HPSE2: variants seen among roughly 807,000 people sequenced by gnomAD.
The protein encoded by HPSE2 is heparanase 2 (inactive), also known as inactive heparanase-2.
A neutral mutation model predicts 60.5 loss-of-function variants in HPSE2; 38 were observed. That is an observed-to-expected ratio of 0.63 (90% CI 0.48 to 0.82). HPSE2 has a LOEUF of 0.82. Ranked by LOEUF, HPSE2 falls within the 40% of genes least tolerant of loss-of-function variation. The probability of loss-of-function intolerance (pLI) is 0.00; values close to 1 mark genes in which losing one functional copy is unlikely to be tolerated. For missense variants in HPSE2, 713 were observed against 740.4 expected, an observed-to-expected ratio of 0.96 and a Z score of 0.43; for synonymous variants, 295 against 293.2, an observed-to-expected ratio of 1.01 and a Z score of -0.06.
chr10:98,576,083 A>G (rs1944632554), intron 9 of HPSE2, among the ~76,000 whole-genome samples: 2 of 152,192 alleles, frequency 1.3e-5, no homozygotes, highest in East Asian at 1.9e-4. Context: ...CTGAAGAAAT[A>G]TATGTAAAGG....
intron 9 of HPSE2, among the ~76,000 whole-genome samples, chr10:98,602,635 A>G (rs752470074): frequency 9.2e-5 from 14 of 152,158 alleles, no homozygotes; most frequent in Non-Finnish European, 1.6e-4. Flanking sequence ...ATAAAATTGA[A>G]AGTCCAGAAA....
chr10:98,840,390 T>C, intron 3 of HPSE2, among the ~76,000 whole-genome samples: 1 of 152,148 alleles, frequency 6.6e-6, no homozygotes. Context: ...TCTGAAAGTA[T>C]GAAGAAAGAA....
chr10:99,154,714 C>A (rs1426750558), intron 2 of HPSE2, among the ~76,000 whole-genome samples: 2 of 150,902 alleles, frequency 1.3e-5, no homozygotes, highest in Non-Finnish European at 3.0e-5. Context: ...AAATCACCAG[C>A]TAACATCATA....
At chr10:98,962,479 G>A (rs1955703201) in intron 3 of HPSE2, among the ~76,000 whole-genome samples, 1 of 151,906 alleles carries the variant, frequency 6.6e-6, no homozygotes, top group African/African-American at 2.4e-5. Context: ...ATATCATACT[G>A]AATGGGCAAA....
chr10:98,682,624 G>A (rs1947816007), intron 6 of HPSE2, among the ~76,000 whole-genome samples: 1 of 152,052 alleles, frequency 6.6e-6, no homozygotes, highest in Non-Finnish European at 1.5e-5. Flanking sequence ...CATATCATTA[G>A]GCCAGGAAAA....
chr10:99,132,123 A>G (rs1845408753), intron 3 of HPSE2, among the ~76,000 whole-genome samples: 1 of 141,648 alleles, frequency 7.1e-6, no homozygotes, highest in South Asian at 2.3e-4. Flanking sequence ...AAAAAAGAAA[A>G]GAAAGAAAGG....
At chr10:98,838,206 C>T (rs1951834847) in intron 3 of HPSE2, among the ~76,000 whole-genome samples, 1 of 152,048 alleles carries the variant, frequency 6.6e-6, no homozygotes, top group Admixed American at 6.6e-5. Context: ...GTGTTTAAAT[C>T]CCAACTCCAC....
rs192134134 is a variant in HPSE2 at position 98,647,366 on chromosome 10, C to G, written c.1005-5426G>C. ...GGCCCTTTACTTTAAAAAGAAAAAC[C>G]TTTGCCCTTTATTATCTGACCCCTT... On this transcript the variant is annotated intron_variant, in intron 6 of 11. Coordinates refer to ENST00000370552, the MANE Select transcript of HPSE2 (RefSeq NM_021828.5). Among the ~76,000 whole-genome samples, 17 of 152,334 alleles carry G rather than the reference C, an allele frequency of 1.1e-4. No individual in the cohort carries two copies. The East Asian group carries it at 1.4e-3, about 12-fold the overall frequency.
chr10:98,868,416 A>G (rs1203788450), intron 3 of HPSE2, among the ~76,000 whole-genome samples: 9 of 152,052 alleles, frequency 5.9e-5, no homozygotes, highest in Admixed American at 5.9e-4. Context: ...AAAAAATAGA[A>G]TGAACAAACC....
intron 5 of HPSE2, among the ~76,000 whole-genome samples, chr10:98,699,060 G>A (rs1184441802): frequency 6.6e-6 from 1 of 151,990 alleles, no homozygotes; most frequent in Non-Finnish European, 1.5e-5. Context: ...TCTACCAGAG[G>A]TACAAGGAGG....
At chr10:98,910,502 T>C (rs578216132) in intron 3 of HPSE2, among the ~76,000 whole-genome samples, 2 of 152,322 alleles carry the variant, frequency 1.3e-5, no homozygotes, top group African/African-American at 4.8e-5. Context: ...GTTTTATGTA[T>C]TTTTCAGTTT....
At chr10:98,581,185 G>C (rs1944789095) in intron 9 of HPSE2, among the ~76,000 whole-genome samples, 1 of 151,900 alleles carries the variant, frequency 6.6e-6, no homozygotes, top group African/African-American at 2.4e-5. Context: ...ATACAGGTGT[G>C]AGCCACTGTG....
Position 98,933,447 on chromosome 10 carries a change from G to A in HPSE2, c.611-189391C>T, listed in dbSNP as rs906789105. Among the ~76,000 whole-genome samples the A allele has an allele frequency of 2.2e-4, 31 of 144,120 alleles. 5 individuals are homozygous for A. The highest frequency in any genetic ancestry group is 4.8e-4 in the Admixed American group (7 of 14,540). 94.5% of individuals were successfully genotyped at this position (144,120 alleles called of 152,430 possible). A position where few individuals can be genotyped will look rare whatever the true frequency, so the allele number is the denominator to read the frequency against. ...ATATTCTGTTGTTTTTGAGTGGAGC[G>A]TTCTATAGATATCTATCAGGTCCAC... On this transcript the variant is annotated intron_variant, in intron 3 of 11. Coordinates refer to ENST00000370552, the MANE Select transcript of HPSE2 (RefSeq NM_021828.5).
At chr10:98,775,981 T>C (rs1196010313) in intron 3 of HPSE2, among the ~76,000 whole-genome samples, 2 of 152,156 alleles carry the variant, frequency 1.3e-5, no homozygotes, top group African/African-American at 4.8e-5. Context: ...ATCAAGTTCA[T>C]CTTTTAAACT....
intron 3 of HPSE2, among the ~76,000 whole-genome samples, chr10:99,033,610 A>C (rs539837504): frequency 6.6e-6 from 1 of 152,152 alleles, no homozygotes; most frequent in East Asian, 1.9e-4. Context: ...GTGAAACCTC[A>C]TCTCTACTAA....
Position 98,543,941 on chromosome 10 carries a change from G to A in HPSE2, c.1321-53745C>T, listed in dbSNP as rs566675807. Among the ~76,000 whole-genome samples, 1,352 of 150,314 alleles carry A rather than the reference G, an allele frequency of 9.0e-3. 15 individuals carry two copies. The highest frequency in any genetic ancestry group is 0.031 in the African/African-American group (1,285 of 40,990). ...TCAACAAAGACAGAAAGTTAACAAG[G>A]ATACCCAGGAATTGAACTCAGCTCT... On this transcript the variant is annotated intron_variant, in intron 9 of 11. Coordinates refer to ENST00000370552, the MANE Select transcript of HPSE2 (RefSeq NM_021828.5).
intron 3 of HPSE2, among the ~76,000 whole-genome samples, chr10:98,909,649 AT>A (rs1953926587): frequency 1.3e-5 from 2 of 151,668 alleles, no homozygotes; most frequent in Non-Finnish European, 2.9e-5. Flanking sequence ...AAAAAAAAAA[AT>A]GAAAAAAAAA....
At chr10:98,829,713 C>A (rs1951637795) in intron 3 of HPSE2, among the ~76,000 whole-genome samples, 2 of 152,066 alleles carry the variant, frequency 1.3e-5, no homozygotes, top group East Asian at 3.9e-4. Context: ...AACAAACAAA[C>A]AAAAAACCAA....
At chr10:98,685,284 T>C (rs887562250) in intron 6 of HPSE2, among the ~76,000 whole-genome samples, 1 of 152,196 alleles carries the variant, frequency 6.6e-6, no homozygotes, top group East Asian at 1.9e-4. Context: ...CAATTTTACA[T>C]ATGATGAGAT....
Sources: allele counts gnomAD v4.1 joint callset (sites outside exome capture counted in the v4.1 genomes callset), GRCh38; gene constraint gnomAD v4.1.1; transcripts MANE v1.5; gene names NCBI Gene and HGNC (gene_info 2026-07-23, HGNC 2026-07-21).